ABHD2: variants seen among roughly 807,000 people sequenced by gnomAD.
The protein encoded by ABHD2 is abhydrolase domain containing 2, acylglycerol lipase, also known as monoacylglycerol lipase ABHD2.
ABHD2 carries 20 observed loss-of-function variants against 48.1 expected under a neutral mutation model. The ratio of observed to expected loss-of-function variants is 0.42; its 90% CI spans 0.29 to 0.60. The LOEUF is 0.60. ABHD2 is among the 20% of genes least tolerant of loss of function. ABHD2 has a pLI of 0.24. For synonymous variants in ABHD2, 209 were observed against 214.2 expected (o/e 0.98, Z 0.21); for missense variants, 405 against 550.9 (o/e 0.74, Z 2.65).
rs538615021 is a variant in ABHD2, at chr15:89,120,086, G to A, written c.194+3565G>A. Among the ~76,000 whole-genome samples the A allele has an allele frequency of 2.0e-5, 3 of 152,336 alleles. No homozygotes were observed. The South Asian group carries it at 6.2e-4, about 32-fold the overall frequency. ...CTTACTGTTCTGGTATAGAAAAAAAGTTGATGAAAGGTGAACATCGAAAGC... is the reference window on the plus strand; with the variant it reads ...CTTACTGTTCTGGTATAGAAAAAAAATTGATGAAAGGTGAACATCGAAAGC... On this transcript the variant is annotated intron_variant, in intron 3 of 10. Coordinates refer to ENST00000352732, the MANE Select transcript of ABHD2 (RefSeq NM_152924.5). This position sits in a 1 kb window ranked among gnomAD's most constrained non-coding sequence, Gnocchi z 4.2.
At chr15:89,152,588 A>T (rs1170791749) in intron 4 of ABHD2, among the ~76,000 whole-genome samples, 4 of 152,088 alleles carry the variant, frequency 2.6e-5, no homozygotes, top group Non-Finnish European at 5.9e-5. Flanking sequence ...TACTTTACTG[A>T]TGAGGAAACT....
At chr15:89,062,049 G>A in the ABHD2 span, among the ~76,000 whole-genome samples, 2 of 152,142 alleles carry the variant, frequency 1.3e-5, no homozygotes, top group Admixed American at 6.5e-5. Context: ...AGGAACTGGA[G>A]CAGGCAGAGC....
chr15:89,090,169 A>AT (rs1423891391), intron 1 of ABHD2: 1 of 152,144 alleles, frequency 6.6e-6, no homozygotes, highest in Non-Finnish European at 1.5e-5. Context: ...AGGAGGACAG[A>AT]TTTTGGTGCC....
In ABHD2 at chr15:89,201,765, T is replaced by C; in HGVS notation, c.*6342T>C. The C allele has an allele frequency of 6.5e-7, 1 of 1,530,038 alleles. No homozygotes were observed. The highest frequency in any genetic ancestry group is 9.0e-7 in the Non-Finnish European group (1 of 1,104,980). 94.8% of individuals were successfully genotyped at this position (1,530,038 alleles called of 1,614,324 possible). ...TATGGGCGGGTCGAGGACCAGGATC[T>C]GCTCGTGCTTCGCCGTGGCCCCGGA... On this transcript the variant is annotated 3_prime_UTR_variant, in exon 11 of 11. Transcript: ENST00000352732.
the ABHD2 span, among the ~76,000 whole-genome samples, chr15:89,061,287 A>G: frequency 6.9e-6 from 1 of 144,530 alleles, no homozygotes; most frequent in Non-Finnish European, 1.6e-5. Context: ...GCGTGGTGGC[A>G]TGTGCCTGTA....
upstream of ABHD2, among the ~76,000 whole-genome samples, chr15:89,085,339 A>AAAG (rs537907811): frequency 0.012 from 1,753 of 152,218 alleles, 32 homozygotes; most frequent in African/African-American, 0.04. This position sits in a 1 kb window ranked among gnomAD's most constrained non-coding sequence, Gnocchi z 4.2. Flanking sequence ...CCAACGGGCC[A>AAAG]CTAAACTTGA....
intron 3 of ABHD2, among the ~76,000 whole-genome samples, chr15:89,140,489 G>A (rs1269585838): frequency 1.3e-5 from 2 of 152,012 alleles, no homozygotes; most frequent in East Asian, 3.9e-4. Context: ...AATATAGTTA[G>A]CTATTATCTT....
chr15:89,067,949 A>G, the ABHD2 span, among the ~76,000 whole-genome samples: 909 of 152,312 alleles, frequency 6.0e-3, 13 homozygotes, highest in African/African-American at 0.021. Context: ...CACATGAAAG[A>G]AACGGTCTAG....
the ABHD2 span, among the ~76,000 whole-genome samples, chr15:89,051,634 C>T: frequency 1.3e-5 from 2 of 152,084 alleles, no homozygotes; most frequent in Non-Finnish European, 2.9e-5. Context: ...GGGTCTTTCC[C>T]GTGTTGTTCT....
chr15:89,096,652 T>C (rs2049618173), intron 1 of ABHD2, among the ~76,000 whole-genome samples: 2 of 152,234 alleles, frequency 1.3e-5, no homozygotes, highest in African/African-American at 2.4e-5. Flanking sequence ...TAATTGGTTT[T>C]CTGCCTTGAG....
At chr15:89,070,915 C>G in the ABHD2 span, among the ~76,000 whole-genome samples, 1 of 151,982 alleles carries the variant, frequency 6.6e-6, no homozygotes, top group African/African-American at 2.4e-5. Flanking sequence ...TTGGCTCTGC[C>G]GTCCGGAAGG....
At chr15:89,048,463 A>C in the ABHD2 span, among the ~76,000 whole-genome samples, 152 of 151,884 alleles carry the variant, frequency 1.0e-3, no homozygotes, top group African/African-American at 3.4e-3. Context: ...AGATTGGGGA[A>C]GTTCTCCTGG....
chr15:89,095,011 C>G (rs1382002657), intron 1 of ABHD2, among the ~76,000 whole-genome samples: 3 of 147,128 alleles, frequency 2.0e-5, no homozygotes, highest in Non-Finnish European at 4.4e-5. Flanking sequence ...TTCCGGTGAG[C>G]CAAGATTGAG....
the ABHD2 span, among the ~76,000 whole-genome samples, chr15:89,042,596 T>TTATG: frequency 1.4e-5 from 1 of 73,064 alleles, no homozygotes; most frequent in Non-Finnish European, 2.8e-5. Flanking sequence ...TCTTATTTAT[T>TTATG]TATTTATTTA....
At chr15:89,193,094 C>T (rs1318869426) in intron 9 of ABHD2, 141 bp from the exon 10 acceptor site, 5 of 722,798 alleles carry the variant, frequency 6.9e-6, no homozygotes, top group Non-Finnish European at 1.2e-5. Flanking sequence ...AGGCGTCCTT[C>T]CTGTACCTGT....
chr15:89,110,151 A>G (rs1227287374), intron 1 of ABHD2, among the ~76,000 whole-genome samples: 3 of 151,760 alleles, frequency 2.0e-5, no homozygotes, highest in Non-Finnish European at 2.9e-5. Context: ...TAGTGTGGCA[A>G]CCTCCACCTC....
the ABHD2 span, among the ~76,000 whole-genome samples, chr15:89,079,237 T>C: frequency 1.3e-5 from 2 of 152,242 alleles, no homozygotes; most frequent in Admixed American, 1.3e-4. The surrounding 1 kb of genome is among the most constrained non-coding windows in gnomAD (Gnocchi z 4.3). Context: ...ATGTAAAATG[T>C]AGATTCAGCG....
upstream of ABHD2, among the ~76,000 whole-genome samples, chr15:89,086,812 A>G (rs1293950988): frequency 6.6e-6 from 1 of 152,198 alleles, no homozygotes; most frequent in Non-Finnish European, 1.5e-5. Flanking sequence ...TGGAAGTCCA[A>G]ACTGTTTTAA....
intron 4 of ABHD2, among the ~76,000 whole-genome samples, chr15:89,154,239 C>G (rs985411536): frequency 1.3e-5 from 2 of 152,178 alleles, no homozygotes; most frequent in Non-Finnish European, 2.9e-5. Context: ...ACGTGTGCCA[C>G]TACATCCAAC....
Sources: gnomAD v4.1 joint callset for allele counts (sites outside exome capture counted in the v4.1 genomes callset) on GRCh38, gnomAD v4.1.1 for gene constraint, Gnocchi (gnomAD v3.1) non-coding constraint, MANE v1.5 for transcripts, NCBI Gene and HGNC (gene_info 2026-07-23, HGNC 2026-07-21) for gene names.